C6orf132: variants seen among roughly 807,000 people sequenced by gnomAD.
C6orf132 encodes the protein chromosome 6 open reading frame 132.
A neutral mutation model predicts 65.3 loss-of-function variants in C6orf132; 43 were observed. The ratio of observed to expected loss-of-function variants is 0.66; its 90% confidence interval spans 0.52 to 0.85. The LOEUF (loss-of-function observed/expected upper bound fraction) is 0.85. Ranked by LOEUF, C6orf132 falls within the 40% of genes least tolerant of loss-of-function variation. The probability of loss-of-function intolerance (pLI) is 0.00; values close to 1 mark genes in which losing one functional copy is unlikely to be tolerated. For missense variants in C6orf132, 1,488 were observed against 1,548.8 expected (o/e 0.96, Z 0.66); for synonymous variants, 631 against 654.1 (o/e 0.96, Z 0.54).
chr6:42,137,147 C>T (rs1373169931), intron 1 of C6orf132, among the ~76,000 whole-genome samples: 1 of 152,222 alleles, frequency 6.6e-6, no homozygotes, highest in African/African-American at 2.4e-5. Context: ...GAGTCTGTTT[C>T]CTCAATTGAG....
intron 1 of C6orf132, among the ~76,000 whole-genome samples, chr6:42,142,045 A>G (rs1251458317): frequency 6.6e-6 from 1 of 151,928 alleles, no homozygotes; most frequent in Non-Finnish European, 1.5e-5. Flanking sequence ...CTGGGGTCAG[A>G]GGTGGGGGCG....
chr6:42,121,506 C>T (rs1562038124), intron 2 of C6orf132, among the ~76,000 whole-genome samples: 1 of 152,224 alleles, frequency 6.6e-6, no homozygotes. Context: ...GCAGGGCTTA[C>T]CCACTGATGG....
chr6:42,119,248 C>CAAAAAAAAAAAAAAA (rs1156356191), intron 2 of C6orf132, among the ~76,000 whole-genome samples: 6 of 44,778 alleles, frequency 1.3e-4, no homozygotes, highest in African/African-American at 4.9e-4. Flanking sequence ...GACTCTGTCT[C>CAAAAAAAAAAAAAAA]AAAAAAAAAA....
chr6:42,132,883 AG>A (rs1410955005), intron 1 of C6orf132, among the ~76,000 whole-genome samples: 1 of 151,614 alleles, frequency 6.6e-6, no homozygotes, highest in Non-Finnish European at 1.5e-5. Flanking sequence ...AGAAAAGAAA[AG>A]AAAAGAAAAG....
At chr6:42,118,430 G>A (rs902449032) in intron 2 of C6orf132, among the ~76,000 whole-genome samples, 2 of 152,140 alleles carry the variant, frequency 1.3e-5, no homozygotes, top group African/African-American at 4.8e-5. Flanking sequence ...CTCCACCCTT[G>A]GCATCAGGAA....
rs187957636 is a variant in C6orf132, at chr6:42,118,266, C to T, written c.253-7975G>A. 6.6e-5 allele frequency among the ~76,000 whole-genome samples: 10 copies of T among 152,280 alleles called. No homozygotes were observed. The East Asian group carries it at 1.9e-3, about 29-fold the overall frequency. On this transcript the variant is annotated intron_variant, in intron 2 of 4. Transcript: ENST00000341865. ...TGCCAAAGGGGCAGCAGGGTAGAGG[C>T]AGGAGTAGGTGGGAGGGAGAGTTCT...
Position 42,105,600 on chromosome 6 carries a change from G to C in C6orf132, c.2312C>G (p.Pro771Arg). ...GCTGAGGCTGCTCTGGTGGCAGTGG[G>C]GCTTGTAGAGACATGGCACCTCTCC... ...GGGEVPCLYK[P>R]HCHQSSLSRE... Residue 771 changes from proline to arginine, a missense_variant, in exon 4 of 5, where the codon CCC becomes CGC. By Grantham distance (103) the Pro-to-Arg change is moderately radical. Coordinates refer to ENST00000341865, the MANE Select transcript of C6orf132 (RefSeq NM_001164446.3). 3 of 1,536,902 alleles carry C rather than the reference G, an allele frequency of 2.0e-6. No homozygotes were observed. Among genetic ancestry groups the C allele is most frequent in the Non-Finnish European group, 2.6e-6 (3 of 1,146,918 alleles).
chr6:42,125,810 CCT>C (rs1254556141), intron 2 of C6orf132, among the ~76,000 whole-genome samples: 1 of 151,628 alleles, frequency 6.6e-6, no homozygotes, highest in African/African-American at 2.4e-5. Context: ...CTATGCAGCC[CCT>C]GAGTCATGTT....
intron 1 of C6orf132, among the ~76,000 whole-genome samples, chr6:42,136,887 C>G (rs1766952220): frequency 7.1e-6 from 1 of 140,844 alleles, no homozygotes; most frequent in Admixed American, 7.2e-5. Flanking sequence ...AATGGCGCCG[C>G]CCCCCCAGCC....
rs574344855 is a variant in C6orf132, at chr6:42,105,137, C to T, written c.2775G>A (p.Glu925=). ...KWGPRLGRDA[E]GTELSRRHNW... ...TGTGCCTGCGGCTCAGCTCTGTGCC[C>T]TCTGCGTCTCTTCCCAGCCGCGGCC... Residue 925 remains glutamate (E), a synonymous_variant, in exon 4 of 5, where the codon GAG becomes GAA. Coordinates refer to ENST00000341865, the MANE Select transcript of C6orf132 (RefSeq NM_001164446.3). The T allele has an allele frequency of 1.7e-4, 260 of 1,537,004 alleles. 2 individuals are homozygous for T. In the South Asian group the frequency reaches 2.9e-3, roughly 17 times the overall value.
intron 2 of C6orf132, among the ~76,000 whole-genome samples, chr6:42,125,972 G>A (rs1766756965): frequency 1.3e-5 from 2 of 152,088 alleles, no homozygotes; most frequent in Admixed American, 6.6e-5. Flanking sequence ...TAACTCTTTA[G>A]TTGCTGCTTT....
chr6:42,103,852 C>A lies in C6orf132; in HGVS notation c.3476G>T (p.Gly1159Val). Reference protein sequence around the residue: ...GRSPYTTTRYGSPINTFTVRP... With the variant: ...GRSPYTTTRYVSPINTFTVRP... ...CACGGTGAACGTGTTGATGGGGCTT[C>A]CATAGCGGGTGGTGGTGTAGGGAGA... Residue 1159 changes from glycine (G) to valine (V), a missense_variant, in exon 5 of 5, where the codon GGA becomes GTA. Coordinates refer to ENST00000341865, the MANE Select transcript of C6orf132 (RefSeq NM_001164446.3). The A allele has an allele frequency of 6.7e-7, 1 of 1,486,484 alleles. No homozygotes were observed. The highest frequency in any genetic ancestry group is 1.4e-5 in the African/African-American group (1 of 70,686). The allele number at this position is 1,486,484 out of a possible 1,614,324, so 92.1% of individuals were successfully genotyped here. A position where few individuals can be genotyped will look rare whatever the true frequency, so the allele number is the denominator to read the frequency against.
At chr6:42,122,956 C>G (rs1281290939) in intron 2 of C6orf132, among the ~76,000 whole-genome samples, 1 of 152,228 alleles carries the variant, frequency 6.6e-6, no homozygotes, top group Admixed American at 6.5e-5. Context: ...ACTTGCCACA[C>G]TGGCATTTAA....
intron 2 of C6orf132, among the ~76,000 whole-genome samples, chr6:42,115,842 G>C (rs1346379179): frequency 6.7e-6 from 1 of 150,254 alleles, no homozygotes; most frequent in African/African-American, 2.4e-5. Context: ...TTAACAGTAG[G>C]AACAACAGCT....
In C6orf132 at chr6:42,138,999, T is replaced by G. The variant is rs76317016; in HGVS notation, c.145+3301A>C. ...TATTAGAGAAATTCTGTAAAGAAAA[T>G]TTTTTTGCTCATCACCACTCTCACA... On this transcript the variant is annotated intron_variant, in intron 1 of 4. Transcript: ENST00000341865. 2.2e-3 allele frequency among the ~76,000 whole-genome samples: 328 copies of G among 152,134 alleles called. 3 individuals carry two copies. Among genetic ancestry groups the G allele is most frequent in the African/African-American group, 7.4e-3 (308 of 41,478 alleles).
Position 42,124,554 on chromosome 6 carries a change from C to T in C6orf132, c.252+4118G>A, listed in dbSNP as rs980105107. Among the ~76,000 whole-genome samples the T allele has an allele frequency of 1.3e-5, 2 of 152,124 alleles. No homozygotes were observed. Among genetic ancestry groups the T allele is most frequent in the Non-Finnish European group, 2.9e-5 (2 of 68,004 alleles). The stretch of plus-strand genomic sequence containing the variant: ...GGGCAGCCTGGCCTGGGAGGTGCCT[C>T]TGAATGTGGGAAGGGAGGACAGGGA... On this transcript the variant is annotated intron_variant, in intron 2 of 4. Transcript: ENST00000341865. The surrounding 1 kb of genome is among the most constrained non-coding windows in gnomAD (Gnocchi z 4.0).
In C6orf132 at chr6:42,103,415, C is replaced by A; in HGVS notation, c.*346G>T. On this transcript the variant is annotated 3_prime_UTR_variant, in exon 5 of 5. Coordinates refer to ENST00000341865, the MANE Select transcript of C6orf132 (RefSeq NM_001164446.3). ...TGCTTTCAGAACCTGCTCAGTAGGC[C>A]GTGCTTGTAAAACTGTTTTAAATAA... 2.5e-6 allele frequency: 1 copy of A among 395,060 alleles called. No homozygotes were observed. Among genetic ancestry groups the A allele is most frequent in the Non-Finnish European group, 4.5e-6 (1 of 224,438 alleles). The allele number at this position is 395,060 out of a possible 1,614,324, so 24.5% of individuals were successfully genotyped here.
At chr6:42,127,438 G>C (rs145636227) in intron 2 of C6orf132, among the ~76,000 whole-genome samples, 1 of 152,140 alleles carries the variant, frequency 6.6e-6, no homozygotes, top group Non-Finnish European at 1.5e-5. Flanking sequence ...TAGAATCTTA[G>C]GTCTGATTGT....
At chr6:42,134,747 C>A (rs1766912089) in intron 1 of C6orf132, among the ~76,000 whole-genome samples, 1 of 139,556 alleles carries the variant, frequency 7.2e-6, no homozygotes, top group Non-Finnish European at 1.5e-5. Flanking sequence ...GCACTCCAGC[C>A]TGGGTGACAA....
Sources: allele counts gnomAD v4.1 joint callset (sites outside exome capture counted in the v4.1 genomes callset), GRCh38; gene constraint gnomAD v4.1.1; non-coding constraint Gnocchi (gnomAD v3.1); transcripts MANE v1.5; gene names NCBI Gene and HGNC (gene_info 2026-07-23, HGNC 2026-07-21).